The following YEATS2 variants were observed in gnomAD, a reference collection of about 807,000 sequenced individuals.
The protein encoded by YEATS2 is YEATS domain-containing protein 2.
YEATS2 carries 77 observed loss-of-function variants against 163.2 expected under a neutral mutation model. The observed-to-expected ratio is 0.47, with a 90% CI of 0.39 to 0.57. YEATS2 has a LOEUF of 0.57. YEATS2 is among the 20% of genes least tolerant of loss of function. The probability of loss-of-function intolerance (pLI) is 0.00; values close to 1 mark genes in which losing one functional copy is unlikely to be tolerated. For synonymous variants in YEATS2, 631 were observed against 645.1 expected (o/e 0.98, Z 0.33); for missense variants, 1,549 against 1,729.8 (o/e 0.90, Z 1.85).
At chr3:183,772,260 TA>T (rs1353139941) in intron 15 of YEATS2, 44 bp from the exon 16 acceptor site, 2 of 1,607,878 alleles carry the variant, frequency 1.2e-6, no homozygotes, top group Non-Finnish European at 8.5e-7. Context: ...ACTGCTGTTC[TA>T]AGAGCTCTCG....
At chr3:183,722,276 ATCTTTTTTTTT>A (rs1560234171) in intron 5 of YEATS2, 140 bp downstream of exon 5, 15 of 584,246 alleles carry the variant, frequency 2.6e-5, no homozygotes, top group African/African-American at 7.3e-5. Context: ...GGGAAACCAA[ATCTTTTTTTTT>A]TTTTTTTTTT....
chr3:183,793,774 C>CA (rs1446790027), intron 21 of YEATS2, among the ~76,000 whole-genome samples: 1 of 151,904 alleles, frequency 6.6e-6, no homozygotes, highest in African/African-American at 2.4e-5. Flanking sequence ...CACCACGTCC[C>CA]ACTAATTCTT....
At chr3:183,755,020 A>AG (rs1331296999) in intron 11 of YEATS2, among the ~76,000 whole-genome samples, 2 of 152,196 alleles carry the variant, frequency 1.3e-5, no homozygotes, top group East Asian at 1.9e-4. Context: ...AGTTAAATGA[A>AG]GGGGGGAAAA....
chr3:183,798,184 C>T (rs1024381686), intron 22 of YEATS2, 133 bp downstream of exon 22: 4 of 1,336,440 alleles, frequency 3.0e-6, no homozygotes, highest in Non-Finnish European at 4.1e-6. Context: ...CTGTGTACAG[C>T]CACCCTTCAG....
chr3:183,759,291 C>G (rs1020677863), intron 13 of YEATS2, among the ~76,000 whole-genome samples: 3 of 152,234 alleles, frequency 2.0e-5, no homozygotes, highest in African/African-American at 7.2e-5. Flanking sequence ...TTACTTGGAT[C>G]TACTCCAGAC....
intron 30 of YEATS2, 83 bp downstream of exon 30, chr3:183,809,253 TAC>T: frequency 7.2e-7 from 1 of 1,379,420 alleles, no homozygotes; most frequent in East Asian, 2.3e-5. Context: ...GTTTTATACT[TAC>T]ATCAATCCAG....
At chr3:183,712,331 C>A (rs541175578) in intron 1 of YEATS2, among the ~76,000 whole-genome samples, 9 of 151,636 alleles carry the variant, frequency 5.9e-5, no homozygotes, top group African/African-American at 2.2e-4. Context: ...GCCTCAGCGT[C>A]CTGAGTAGCT....
intron 12 of YEATS2, among the ~76,000 whole-genome samples, 191 bp downstream of exon 12, chr3:183,756,880 G>T (rs578083037): frequency 8.6e-4 from 131 of 152,238 alleles, no homozygotes; most frequent in Admixed American, 2.0e-3. Context: ...GCATTTTTTA[G>T]AATTTACTTG....
chr3:183,703,762 A>G (rs189235469), intron 1 of YEATS2, among the ~76,000 whole-genome samples: 1 of 152,208 alleles, frequency 6.6e-6, no homozygotes, highest in East Asian at 1.9e-4. Flanking sequence ...CTTTGGGAAG[A>G]GTGGATGGTG....
chr3:183,715,932 T>A (rs1455623243), intron 2 of YEATS2, among the ~76,000 whole-genome samples: 1 of 152,166 alleles, frequency 6.6e-6, no homozygotes, highest in African/African-American at 2.4e-5. Flanking sequence ...TAAGCAAGCT[T>A]AAAAAAATTG....
intron 19 of YEATS2, 131 bp from the exon 20 acceptor site, chr3:183,785,994 T>G (rs1724028030): frequency 9.9e-7 from 1 of 1,013,998 alleles, no homozygotes; most frequent in East Asian, 2.6e-5. Context: ...AAACACCTCA[T>G]GTAGGTTGGA....
At position 183,810,552 on chromosome 3, in the gene YEATS2, A is replaced by G; in HGVS notation, c.4238A>G (p.Lys1413Arg). 6.2e-7 allele frequency: 1 copy of G among 1,614,122 alleles called. No homozygotes were observed. The highest frequency in any genetic ancestry group is 8.5e-7 in the Non-Finnish European group (1 of 1,179,984). Residue 1413 changes from lysine to arginine, a missense_variant, in exon 31 of 31, where the codon AAA becomes AGA. By Grantham distance (26) the Lys-to-Arg change is conservative. Coordinates refer to ENST00000305135, the MANE Select transcript of YEATS2 (RefSeq NM_018023.5). ...CCTTTTCTGGACTTCCTCACAAACA[A>G]ACACATGGGAATATTGAATGAGGAC... ...NIPFLDFLTN[K>R]HMGILNEDQ
intron 15 of YEATS2, among the ~76,000 whole-genome samples, chr3:183,762,536 CA>C (rs1237647868): frequency 2.0e-5 from 3 of 152,166 alleles, no homozygotes; most frequent in African/African-American, 7.2e-5. Context: ...CTGTCTCTGG[CA>C]GTGGAGGCAG....
Position 183,777,597 on chromosome 3 carries a change from C to G in YEATS2, c.2633C>G (p.Thr878Ser), listed in dbSNP as rs1723121509. 3 of 1,614,182 alleles carry G rather than the reference C, an allele frequency of 1.9e-6. No individual in the cohort carries two copies. Among genetic ancestry groups the G allele is most frequent in the Admixed American group, 1.7e-5 (1 of 60,022 alleles). Residue 878 changes from threonine (T) to serine (S), a missense_variant, in exon 19 of 31, where the codon ACT becomes AGT. Physicochemically the swap from Thr to Ser is moderately conservative, Grantham distance 58 (BLOSUM62 1). Coordinates refer to ENST00000305135, the MANE Select transcript of YEATS2 (RefSeq NM_018023.5). ...SPQTSGKQLT[T>S]GSVVQGTLGV... is the part of the protein sequence containing the mutation. ...CAGACTTCTGGAAAACAACTCACCACTGGGTCAGTGGTCCAAGGAACACTG... is the reference window on the plus strand; with the variant it reads ...CAGACTTCTGGAAAACAACTCACCAGTGGGTCAGTGGTCCAAGGAACACTG...
Position 183,797,844 on chromosome 3 carries a change from A to G in YEATS2, c.3098-79A>G, listed in dbSNP as rs984555775. 5.7e-6 allele frequency: 9 copies of G among 1,568,356 alleles called. No individual in the cohort carries two copies. The African/African-American group carries it at 6.8e-5, about 12-fold the overall frequency. On this transcript the variant is annotated intron_variant, in intron 21 of 30. Transcript: ENST00000305135. ...TCCTGGGAACTTCCTCCATGACAAA[A>G]TATGGGTAGCACAGAGGATAAGAGA...
chr3:183,701,115 T>C (rs1345440202), intron 1 of YEATS2, among the ~76,000 whole-genome samples: 1 of 150,930 alleles, frequency 6.6e-6, no homozygotes, highest in East Asian at 2.0e-4. Context: ...GGAGTCTCGC[T>C]CTGTCGCCCA....
At chr3:183,727,273 G>A (rs547240638) in intron 6 of YEATS2, among the ~76,000 whole-genome samples, 45 of 152,184 alleles carry the variant, frequency 3.0e-4, no homozygotes, top group African/African-American at 1.1e-3. Flanking sequence ...AAAAGAAGAC[G>A]TAACTACAGA....
intron 7 of YEATS2, among the ~76,000 whole-genome samples, chr3:183,730,055 T>TGTTTGTTTGTTG (rs376011021): frequency 2.6e-4 from 6 of 23,282 alleles, no homozygotes; most frequent in African/African-American, 1.8e-3. Context: ...TTTGTTTGTT[T>TGTTTGTTTGTTG]TTTTTTTTTT....
At chr3:183,790,336 C>T (rs1458978759) in intron 20 of YEATS2, among the ~76,000 whole-genome samples, 1 of 152,130 alleles carries the variant, frequency 6.6e-6, no homozygotes, top group Non-Finnish European at 1.5e-5. Flanking sequence ...TCTCTCAGAG[C>T]CTTAGCACTT....
Sources: allele counts gnomAD v4.1 joint callset (sites outside exome capture counted in the v4.1 genomes callset), GRCh38; gene constraint gnomAD v4.1.1; transcripts MANE v1.5; gene names NCBI Gene and HGNC (gene_info 2026-07-23, HGNC 2026-07-21).